The following PTPRQ variants were observed in gnomAD, a reference collection of about 807,000 sequenced individuals.
PTPRQ encodes protein tyrosine phosphatase receptor type Q.
Under a neutral mutation model 246.0 loss-of-function variants are expected in PTPRQ, and 199 were observed. The ratio of observed to expected loss-of-function variants is 0.81; its 90% CI spans 0.72 to 0.91. PTPRQ has a LOEUF of 0.91. Ranked by LOEUF, PTPRQ falls within the 40% of genes least tolerant of loss-of-function variation. The pLI is 0.00. For synonymous variants in PTPRQ, 869 were observed against 853.2 expected (o/e 1.02, Z -0.32); for missense variants, 2,624 against 2,528.4 (o/e 1.04, Z -0.81).
intron 8 of PTPRQ, among the ~76,000 whole-genome samples, chr12:80,483,675 A>G (rs4565968): frequency 0.32 from 47,913 of 151,736 alleles, 9,407 homozygotes; most frequent in African/African-American, 0.56. Flanking sequence ...ATGGTGGTTT[A>G]CTGCACCCAT....
intron 17 of PTPRQ, among the ~76,000 whole-genome samples, chr12:80,525,292 G>A (rs1176688442): frequency 1.3e-5 from 2 of 152,104 alleles, no homozygotes; most frequent in African/African-American, 4.8e-5. Context: ...TCAAGTACTG[G>A]ACTCATCCCA....
At chr12:80,664,649 A>G (rs910624624) in intron 39 of PTPRQ, among the ~76,000 whole-genome samples, 3 of 151,994 alleles carry the variant, frequency 2.0e-5, no homozygotes, top group African/African-American at 7.2e-5. Flanking sequence ...AGAATTGTCA[A>G]CACTTACTAT....
intron 25 of PTPRQ, among the ~76,000 whole-genome samples, chr12:80,569,395 G>C (rs754273070): frequency 8.6e-6 from 1 of 116,390 alleles, no homozygotes; most frequent in African/African-American, 3.3e-5. Flanking sequence ...GTTGTGGGGT[G>C]GGGGGAGGGG....
At chr12:80,481,103 A>C (rs1894032467) in intron 8 of PTPRQ, among the ~76,000 whole-genome samples, 1 of 152,210 alleles carries the variant, frequency 6.6e-6, no homozygotes. Flanking sequence ...ATCCTTGATG[A>C]ACATTGATGC....
At chr12:80,595,735 T>A (rs1463261683) in intron 26 of PTPRQ, among the ~76,000 whole-genome samples, 1 of 104,586 alleles carries the variant, frequency 9.6e-6, no homozygotes, top group Non-Finnish European at 1.8e-5. Flanking sequence ...CCCACAACAG[T>A]CCCCAGAGTG....
chr12:80,506,490 G>T, intron 15 of PTPRQ, 79 bp from the exon 16 acceptor site: 1 of 1,136,494 alleles, frequency 8.8e-7, no homozygotes, highest in Admixed American at 2.7e-5. Context: ...TGTGTTGACA[G>T]CCATTTCATA....
At chr12:80,484,092 G>C (rs1203023713) in intron 8 of PTPRQ, among the ~76,000 whole-genome samples, 1 of 151,676 alleles carries the variant, frequency 6.6e-6, no homozygotes, top group Non-Finnish European at 1.5e-5. Flanking sequence ...TGTAACCTCC[G>C]CCTCTTGGGT....
At chr12:80,594,994 C>T (rs1029882304) in intron 26 of PTPRQ, among the ~76,000 whole-genome samples, 7 of 152,128 alleles carry the variant, frequency 4.6e-5, no homozygotes, top group Non-Finnish European at 1.0e-4. Flanking sequence ...GTAAGTTCTA[C>T]AAGGTCACTT....
intron 39 of PTPRQ, 80 bp downstream of exon 39, chr12:80,658,141 C>T (rs958934362): frequency 7.2e-5 from 66 of 919,206 alleles, no homozygotes; most frequent in Non-Finnish European, 8.3e-5. Context: ...TTACTTAAAA[C>T]AACAAATTTA....
chr12:80,669,478 G>A lies in PTPRQ; in HGVS notation c.6453+14G>A, dbSNP rs1387002100. The A allele has an allele frequency of 4.6e-6, 7 of 1,535,680 alleles. No homozygotes were observed. Among genetic ancestry groups the A allele is most frequent in the African/African-American group, 1.4e-5 (1 of 71,716 alleles). On this transcript the variant is annotated intron_variant, in intron 41 of 44. Coordinates refer to ENST00000644991, the MANE Select transcript of PTPRQ (RefSeq NM_001145026.2). The stretch of plus-strand genomic sequence containing the variant: ...AAAATTGAAAGGGTAAAAAAAAAAG[G>A]GGGGGACGAGAGAACATGATATAAA...
intron 26 of PTPRQ, among the ~76,000 whole-genome samples, chr12:80,603,331 C>T (rs1355491701): frequency 6.6e-6 from 1 of 151,584 alleles, no homozygotes; most frequent in African/African-American, 2.4e-5. Context: ...AGTTGTCTTC[C>T]TAAATCAATG....
At chr12:80,568,185 C>G (rs1897034979) in intron 25 of PTPRQ, among the ~76,000 whole-genome samples, 1 of 152,026 alleles carries the variant, frequency 6.6e-6, no homozygotes, top group South Asian at 2.1e-4. Flanking sequence ...CTTCAAGTGT[C>G]AATTATAAAT....
intron 26 of PTPRQ, among the ~76,000 whole-genome samples, chr12:80,603,384 A>G (rs1015441082): frequency 6.6e-6 from 1 of 151,728 alleles, no homozygotes; most frequent in Non-Finnish European, 1.5e-5. Flanking sequence ...GAATCCCACT[A>G]TTTAAAGAAT....
chr12:80,670,210 A>C, intron 41 of PTPRQ, 134 bp from the exon 42 acceptor site: 1 of 1,296,152 alleles, frequency 7.7e-7, no homozygotes, highest in South Asian at 1.5e-5. Context: ...TATAGGAAAT[A>C]ATGAAAACAT....
At chr12:80,621,124 C>G (rs1411560100) in intron 32 of PTPRQ, among the ~76,000 whole-genome samples, 1 of 151,704 alleles carries the variant, frequency 6.6e-6, no homozygotes, top group East Asian at 1.9e-4. Flanking sequence ...AAATTCTTTA[C>G]AAATATCCTA....
At chr12:80,476,075 A>G (rs1417812169) in intron 8 of PTPRQ, among the ~76,000 whole-genome samples, 1 of 151,780 alleles carries the variant, frequency 6.6e-6, no homozygotes, top group Middle Eastern at 3.4e-3. Context: ...GAGATTCTAC[A>G]TCAGTTCAAA....
At chr12:80,555,382 T>C (rs1482990707) in intron 25 of PTPRQ, among the ~76,000 whole-genome samples, 1 of 152,184 alleles carries the variant, frequency 6.6e-6, no homozygotes, top group Non-Finnish European at 1.5e-5. Context: ...AATACATTAC[T>C]TATATATTTT....
At chr12:80,449,761 C>A (rs560142046) in intron 3 of PTPRQ, among the ~76,000 whole-genome samples, 1 of 152,136 alleles carries the variant, frequency 6.6e-6, no homozygotes, top group Admixed American at 6.5e-5. Flanking sequence ...CAGTACCATG[C>A]TGTTTTGGTT....
At chr12:80,485,906 C>G (rs999137506) in intron 9 of PTPRQ, among the ~76,000 whole-genome samples, 1 of 151,960 alleles carries the variant, frequency 6.6e-6, no homozygotes, top group Admixed American at 6.6e-5. Flanking sequence ...CTGTCTCTAT[C>G]TGGTCTGCAA....
Sources: gnomAD v4.1 joint callset for allele counts (sites outside exome capture counted in the v4.1 genomes callset) on GRCh38, gnomAD v4.1.1 for gene constraint, MANE v1.5 for transcripts, NCBI Gene and HGNC (gene_info 2026-07-23, HGNC 2026-07-21) for gene names.